Variants in TIAM1 observed in about 807,000 individuals in gnomAD.
TIAM1 encodes TIAM Rac1 associated GEF 1, also known as rho guanine nucleotide exchange factor TIAM1.
In TIAM1, 65 loss-of-function variants were observed where a neutral mutation model predicts 163.5. The observed-to-expected ratio is 0.40, with a 90% CI of 0.33 to 0.49. The LOEUF (loss-of-function observed/expected upper bound fraction) is 0.49, where lower values mean the gene tolerates loss of function less well. Among genes scored for constraint, TIAM1 ranks in the 20% least tolerant of loss-of-function variants. TIAM1 has a pLI of 0.77. For missense variants in TIAM1, 1,789 were observed against 2,044.7 expected, an observed-to-expected ratio of 0.87 and a Z score of 2.41; for synonymous variants, 833 against 810.1, an observed-to-expected ratio of 1.03 and a Z score of -0.48.
intron 1 of TIAM1, among the ~76,000 whole-genome samples, chr21:31,507,692 G>A (rs563070602): frequency 4.1e-4 from 63 of 152,294 alleles, no homozygotes; most frequent in African/African-American, 1.2e-3. Context: ...GGGACTCACA[G>A]TCTAGCAGGA....
intron 6 of TIAM1, among the ~76,000 whole-genome samples, chr21:31,226,795 G>A (rs1377635359): frequency 6.6e-6 from 1 of 152,058 alleles, no homozygotes; most frequent in East Asian, 1.9e-4. Flanking sequence ...TCAGAAGTTA[G>A]CCCATCTCAA....
rs535569373 is a variant in TIAM1 at position 31,202,716 on chromosome 21, G to A, written c.2493+192C>T. On this transcript the variant is annotated intron_variant, in intron 12 of 27. Transcript: ENST00000541036. ...ATGATAGCACTGCACTGCTTCGTGCGTAAACAAAGGTGATCATTCCACTCT... is the reference window on the plus strand; with the variant it reads ...ATGATAGCACTGCACTGCTTCGTGCATAAACAAAGGTGATCATTCCACTCT... 9.2e-5 allele frequency among the ~76,000 whole-genome samples: 14 copies of A among 152,304 alleles called. No homozygotes were observed. The South Asian group carries it at 1.7e-3, about 18-fold the overall frequency.
intron 5 of TIAM1, 83 bp downstream of exon 5, chr21:31,251,659 A>C: frequency 7.2e-7 from 1 of 1,396,124 alleles, no homozygotes; most frequent in Non-Finnish European, 9.7e-7. Flanking sequence ...ACAACAACAA[A>C]CCCACCCATC....
upstream of TIAM1, among the ~76,000 whole-genome samples, chr21:31,347,264 A>G (rs1264034991): frequency 6.6e-6 from 1 of 152,172 alleles, no homozygotes; most frequent in Non-Finnish European, 1.5e-5. Context: ...AGAACGGCTT[A>G]CCTGATAGTG....
intron 1 of TIAM1, among the ~76,000 whole-genome samples, chr21:31,543,511 A>AGAGTCAT (rs3842447): frequency 0.43 from 64,822 of 151,458 alleles, 15,119 homozygotes; most frequent in East Asian, 0.78. Context: ...CACACAGAAA[A>AGAGTCAT]GAAACATTGT....
intron 19 of TIAM1, among the ~76,000 whole-genome samples, chr21:31,148,795 G>C (rs1187969589): frequency 2.0e-5 from 3 of 152,160 alleles, no homozygotes; most frequent in Non-Finnish European, 4.4e-5. Flanking sequence ...TTTCTGTTCT[G>C]TAGGACTTCA....
At chr21:31,147,092 G>C (rs2083156309) in intron 19 of TIAM1, 89 bp from the exon 20 acceptor site, 1 of 1,056,046 alleles carries the variant, frequency 9.5e-7, no homozygotes, top group Non-Finnish European at 1.5e-6. Flanking sequence ...ACATCTGCCT[G>C]GCCCACCCCA....
intron 2 of TIAM1, among the ~76,000 whole-genome samples, chr21:31,280,469 C>T (rs2073499753): frequency 6.6e-6 from 1 of 152,188 alleles, no homozygotes; most frequent in African/African-American, 2.4e-5. Flanking sequence ...AATTAAACCT[C>T]TTTCTTTTGT....
chr21:31,389,080 G>A (rs1279683186), intron 2 of TIAM1, among the ~76,000 whole-genome samples: 2 of 152,208 alleles, frequency 1.3e-5, no homozygotes, highest in South Asian at 2.1e-4. Flanking sequence ...TAATACATAC[G>A]TGAATGGGTG....
intron 2 of TIAM1, among the ~76,000 whole-genome samples, chr21:31,426,835 T>C (rs1290549474): frequency 2.0e-5 from 3 of 152,204 alleles, no homozygotes; most frequent in Non-Finnish European, 4.4e-5. Flanking sequence ...ACAGATGCTA[T>C]AAAGACAAGC....
At chr21:31,488,017 T>C (rs2046336132) in intron 1 of TIAM1, among the ~76,000 whole-genome samples, 1 of 152,120 alleles carries the variant, frequency 6.6e-6, no homozygotes, top group African/African-American at 2.4e-5. Context: ...AACACAAAAA[T>C]GTAGGAAGAA....
In TIAM1 at chr21:31,237,604, A is replaced by G. The variant is rs560878870; in HGVS notation, c.1584+7884T>C. Among the ~76,000 whole-genome samples, 144 of 152,350 alleles carry G rather than the reference A, an allele frequency of 9.5e-4. 1 individual carries two copies. Among genetic ancestry groups the G allele is most frequent in the African/African-American group, 3.3e-3 (137 of 41,588 alleles). On this transcript the variant is annotated intron_variant, in intron 6 of 27. Coordinates refer to ENST00000541036, the MANE Select transcript of TIAM1 (RefSeq NM_001353694.2). ...GGCATATGAGTCTTTTAATATGCAT[A>G]CAATACCCTTGCACAAGTGACTTTC...
chr21:31,516,516 G>A (rs560187710), intron 1 of TIAM1, among the ~76,000 whole-genome samples: 1 of 152,276 alleles, frequency 6.6e-6, no homozygotes, highest in East Asian at 1.9e-4. Flanking sequence ...CAGGACAGCA[G>A]AGTTGAACCA....
chr21:31,405,456 G>A (rs940451278), intron 2 of TIAM1, among the ~76,000 whole-genome samples: 9 of 151,808 alleles, frequency 5.9e-5, no homozygotes, highest in Non-Finnish European at 1.0e-4. Flanking sequence ...CCCCCTTCCC[G>A]AGCCCACTTC....
intron 2 of TIAM1, among the ~76,000 whole-genome samples, chr21:31,397,808 A>G (rs2147212101): frequency 6.6e-6 from 1 of 152,356 alleles, no homozygotes; most frequent in East Asian, 1.9e-4. Context: ...CTGCCAGGGC[A>G]AAACGAAAGA....
intron 12 of TIAM1, among the ~76,000 whole-genome samples, chr21:31,198,099 G>T (rs1362793181): frequency 6.6e-6 from 1 of 152,234 alleles, no homozygotes; most frequent in Middle Eastern, 3.4e-3. Context: ...TTGAGCCAAG[G>T]TCAATAACAA....
chr21:31,530,555 C>T lies in TIAM1; in HGVS notation c.-422+28372G>A, dbSNP rs558994786. ...GAAACTCCTAGAGGAAGCAGAGCCA[C>T]GAAGATGAATGGAGATCTACAAATA... On this transcript the variant is annotated intron_variant, in intron 1 of 28. Transcript: ENST00000286827. 1.7e-4 allele frequency among the ~76,000 whole-genome samples: 26 copies of T among 151,988 alleles called. 2 individuals carry two copies. The South Asian group carries it at 5.0e-3, about 29-fold the overall frequency.
chr21:31,228,511 A>C (rs888977103), intron 6 of TIAM1, among the ~76,000 whole-genome samples: 5 of 152,314 alleles, frequency 3.3e-5, no homozygotes, highest in South Asian at 4.1e-4. Context: ...CATGCCCAGC[A>C]GCAAATCATG....
chr21:31,203,161 T>A (rs2086287931), intron 11 of TIAM1, 149 bp from the exon 12 acceptor site: 1 of 703,372 alleles, frequency 1.4e-6, no homozygotes. Flanking sequence ...TCACTCTTGT[T>A]GCCCAGCCTG....
Sources: allele counts gnomAD v4.1 joint callset (sites outside exome capture counted in the v4.1 genomes callset), GRCh38; gene constraint gnomAD v4.1.1; transcripts MANE v1.5; gene names NCBI Gene and HGNC (gene_info 2026-07-23, HGNC 2026-07-21).